The following SEMA5A variants were observed in gnomAD, a reference collection of about 807,000 sequenced individuals.
SEMA5A encodes semaphorin 5A, also known as semaphorin-5A.
In SEMA5A, 55 loss-of-function variants were observed where a neutral mutation model predicts 135.5. The ratio of observed to expected loss-of-function variants is 0.41; its 90% CI spans 0.33 to 0.51. SEMA5A has a LOEUF of 0.51. Ranked by LOEUF, SEMA5A falls within the 20% of genes least tolerant of loss-of-function variation. The pLI is 0.37. For missense variants in SEMA5A, 1,290 were observed against 1,419.9 expected (o/e 0.91, Z 1.47); for synonymous variants, 580 against 546.5 (o/e 1.06, Z -0.85).
chr5:9,533,165 T>C (rs756835246), intron 1 of SEMA5A, among the ~76,000 whole-genome samples: 1 of 152,208 alleles, frequency 6.6e-6, no homozygotes, highest in Non-Finnish European at 1.5e-5. Context: ...GTGTCCAAGA[T>C]ACCATCACTA....
chr5:9,087,416 G>C (rs1177580425), intron 16 of SEMA5A, among the ~76,000 whole-genome samples: 1 of 152,040 alleles, frequency 6.6e-6, no homozygotes, highest in Admixed American at 6.5e-5. Flanking sequence ...GTCTTCATCT[G>C]CTTAAATATG....
chr5:9,088,659 T>TATATACACACACACACAC, intron 16 of SEMA5A, among the ~76,000 whole-genome samples: 8 of 112,850 alleles, frequency 7.1e-5, no homozygotes, highest in Admixed American at 8.3e-5. Flanking sequence ...TATATATATA[T>TATATACACACACACACAC]ACACACACAC....
chr5:9,527,814 G>C (rs1023813621), intron 1 of SEMA5A, among the ~76,000 whole-genome samples: 2 of 152,138 alleles, frequency 1.3e-5, no homozygotes, highest in Non-Finnish European at 2.9e-5. Flanking sequence ...CAGCTACCAA[G>C]GGGCAGGACT....
intron 16 of SEMA5A, among the ~76,000 whole-genome samples, chr5:9,091,084 G>A (rs1005569252): frequency 2.0e-5 from 3 of 152,132 alleles, no homozygotes; most frequent in Non-Finnish European, 4.4e-5. Context: ...CACAAGCTGA[G>A]AAGCTCACAG....
At chr5:9,070,354 G>A (rs1030320438) in intron 16 of SEMA5A, among the ~76,000 whole-genome samples, 7 of 152,290 alleles carry the variant, frequency 4.6e-5, no homozygotes, top group African/African-American at 1.7e-4. Flanking sequence ...CTGGGCAGCA[G>A]AGTGAGACTC....
At chr5:9,291,049 C>T (rs1192086239) in intron 5 of SEMA5A, among the ~76,000 whole-genome samples, 1 of 152,276 alleles carries the variant, frequency 6.6e-6, no homozygotes, top group East Asian at 1.9e-4. Flanking sequence ...TTTTACATTG[C>T]TGTGGTATAA....
At chr5:9,187,850 CA>C (rs1744891970) in intron 11 of SEMA5A, among the ~76,000 whole-genome samples, 1 of 152,234 alleles carries the variant, frequency 6.6e-6, no homozygotes, top group Non-Finnish European at 1.5e-5. Context: ...ATCCCTGCGG[CA>C]GCTGAGTCCT....
intron 1 of SEMA5A, among the ~76,000 whole-genome samples, chr5:9,539,003 A>G (rs1174168169): frequency 6.6e-6 from 1 of 152,252 alleles, no homozygotes; most frequent in Non-Finnish European, 1.5e-5. Flanking sequence ...TTGTAAGTGT[A>G]CAATTTAATG....
intron 14 of SEMA5A, among the ~76,000 whole-genome samples, chr5:9,120,238 GA>G (rs34505841): frequency 6.6e-6 from 1 of 151,768 alleles, no homozygotes; most frequent in African/African-American, 2.4e-5. Context: ...CATTTCCTAT[GA>G]AAAAATATTA....
intron 1 of SEMA5A, among the ~76,000 whole-genome samples, chr5:9,444,649 A>G (rs1384137372): frequency 1.3e-5 from 2 of 152,176 alleles, no homozygotes; most frequent in Non-Finnish European, 2.9e-5. Flanking sequence ...TCCTATAAAC[A>G]TGCATGTGCA....
intron 16 of SEMA5A, among the ~76,000 whole-genome samples, chr5:9,067,536 G>A (rs1052783003): frequency 6.6e-6 from 1 of 151,842 alleles, no homozygotes; most frequent in African/African-American, 2.4e-5. Context: ...TTTTAACAAT[G>A]TTTTATTAAT....
intron 2 of SEMA5A, among the ~76,000 whole-genome samples, chr5:9,434,981 T>C (rs745383625): frequency 1.2e-4 from 18 of 152,170 alleles, no homozygotes; most frequent in Admixed American, 2.6e-4. Flanking sequence ...GTAAATGATA[T>C]AGTAGAGAGT....
At chr5:9,434,532 A>C (rs1416395202) in intron 2 of SEMA5A, among the ~76,000 whole-genome samples, 1 of 152,106 alleles carries the variant, frequency 6.6e-6, no homozygotes, top group Non-Finnish European at 1.5e-5. Context: ...CTCTGTTTAG[A>C]GTATGGTATA....
intron 5 of SEMA5A, among the ~76,000 whole-genome samples, chr5:9,249,828 C>T (rs1429151209): frequency 6.6e-6 from 1 of 151,948 alleles, no homozygotes; most frequent in African/African-American, 2.4e-5. Flanking sequence ...AGTAGATGTT[C>T]AAGAAAAGCA....
At chr5:9,416,352 C>A (rs1011918216) in intron 2 of SEMA5A, among the ~76,000 whole-genome samples, 36 of 152,110 alleles carry the variant, frequency 2.4e-4, no homozygotes, top group African/African-American at 8.2e-4. Context: ...CGTTTCTGAT[C>A]ACTGGTATCC....
intron 4 of SEMA5A, among the ~76,000 whole-genome samples, chr5:9,321,369 T>G (rs1360610283): frequency 6.6e-6 from 1 of 152,214 alleles, no homozygotes; most frequent in Non-Finnish European, 1.5e-5. Context: ...GTTGCCTCTA[T>G]GAGCAGCTCA....
chr5:9,248,490 A>G (rs544991001), intron 5 of SEMA5A, among the ~76,000 whole-genome samples: 78 of 151,882 alleles, frequency 5.1e-4, no homozygotes, highest in Non-Finnish European at 9.7e-4. Flanking sequence ...TTGGAGTAGG[A>G]TGAACACTGG....
intron 8 of SEMA5A, among the ~76,000 whole-genome samples, chr5:9,206,651 C>A (rs995528218): frequency 3.3e-5 from 5 of 151,826 alleles, no homozygotes; most frequent in African/African-American, 1.2e-4. Flanking sequence ...AATATTTGTA[C>A]ACAATGGGAA....
At chr5:9,270,483 G>C (rs1676343288) in intron 5 of SEMA5A, among the ~76,000 whole-genome samples, 2 of 152,010 alleles carry the variant, frequency 1.3e-5, no homozygotes, top group Non-Finnish European at 2.9e-5. Context: ...CCCAAAACTT[G>C]AGCAAGTCCC....
Sources: allele counts gnomAD v4.1 joint callset (sites outside exome capture counted in the v4.1 genomes callset), GRCh38; gene constraint gnomAD v4.1.1; transcripts MANE v1.5; gene names NCBI Gene and HGNC (gene_info 2026-07-23, HGNC 2026-07-21).